The following TSPAN19 variants were observed in gnomAD, a reference collection of about 807,000 sequenced individuals.
TSPAN19 encodes tetraspanin-19.
Under a neutral mutation model 35.1 loss-of-function variants are expected in TSPAN19, and 44 were observed. That is an observed-to-expected ratio of 1.25 (90% confidence interval 0.98 to 1.61). The LOEUF is 1.61. Ranked by LOEUF, TSPAN19 falls within the 40% of genes most tolerant of loss-of-function variation. The pLI, the probability that TSPAN19 is intolerant of heterozygous loss-of-function variation, is 0.00. For synonymous variants in TSPAN19, 79 were observed against 92.0 expected (o/e 0.86, Z 0.81); for missense variants, 290 against 280.0 (o/e 1.04, Z -0.26).
intron 7 of TSPAN19, 73 bp from the exon 8 acceptor site, chr12:85,016,044 A>T: frequency 1.0e-6 from 1 of 977,548 alleles, no homozygotes; most frequent in South Asian, 1.7e-5. Context: ...ACAAAAAATA[A>T]AAGGTAAACA....
chr12:85,014,882 A>G (rs549186568), intron 8 of TSPAN19: 30 of 181,636 alleles, frequency 1.7e-4, no homozygotes, highest in African/African-American at 7.0e-4. Context: ...TATCTTTCTA[A>G]CTATGTCATT....
In TSPAN19 at chr12:85,015,873, T is replaced by C; in HGVS notation, c.678+15A>G. ...ACTTAATATTTTTCATTTTAACATA[T>C]GAACAAAAGCTTACCTCTGAAGTTA... On this transcript the variant is annotated intron_variant, in intron 8 of 8. Transcript: ENST00000532498. 10 of 1,525,786 alleles carry C rather than the reference T, an allele frequency of 6.6e-6. No homozygotes were observed. The highest frequency in any genetic ancestry group is 8.0e-6 in the Non-Finnish European group (9 of 1,128,072). 94.5% of individuals were successfully genotyped at this position (1,525,786 alleles called of 1,614,324 possible).
chr12:85,025,583 T>C (rs1877368104), intron 4 of TSPAN19, among the ~76,000 whole-genome samples: 1 of 151,654 alleles, frequency 6.6e-6, no homozygotes, highest in Non-Finnish European at 1.5e-5. Flanking sequence ...TGGAGTGCAA[T>C]GGTGTGATCT....
chr12:85,019,853 C>A, intron 5 of TSPAN19, 117 bp from the exon 6 acceptor site: 1 of 551,910 alleles, frequency 1.8e-6, no homozygotes, highest in African/African-American at 1.9e-5. Flanking sequence ...TATTATTTTT[C>A]TGTTTTCTGT....
At position 85,026,128 on chromosome 12, in the gene TSPAN19, G is replaced by A. The variant is rs112711986; in HGVS notation, c.264+1771C>T. ...TTGAATTATATGAGGCAGAAACTTA[G>A]GAAATGTTTGTTTTACTCCCTCTAC... On this transcript the variant is annotated intron_variant, in intron 4 of 8. Transcript: ENST00000532498. Among the ~76,000 whole-genome samples, 956 of 152,114 alleles carry A rather than the reference G, an allele frequency of 6.3e-3. 6 individuals carry two copies. The highest frequency in any genetic ancestry group is 9.4e-3 in the Non-Finnish European group (637 of 68,002).
chr12:85,026,054 T>C (rs2135808743), intron 4 of TSPAN19, among the ~76,000 whole-genome samples: 1 of 152,324 alleles, frequency 6.6e-6, no homozygotes, highest in Non-Finnish European at 1.5e-5. Flanking sequence ...TTCATGTATA[T>C]CCTTATGATG....
chr12:85,019,609 A>T lies in TSPAN19; in HGVS notation c.450+17T>A, dbSNP rs376211999. 4.7e-6 allele frequency: 7 copies of T among 1,481,362 alleles called. No individual in the cohort carries two copies. The African/African-American group carries it at 5.6e-5, about 12-fold the overall frequency. The allele number at this position is 1,481,362 out of a possible 1,614,324, so 91.8% of individuals were successfully genotyped here. A position where few individuals can be genotyped will look rare whatever the true frequency, so the allele number is the denominator to read the frequency against. ...GGTCAATACTGACATCTAATTTTTT[A>T]GTTAATTTCATCTTACTGTTTTCTG... On this transcript the variant is annotated intron_variant, in intron 6 of 8. Coordinates refer to ENST00000532498, the MANE Select transcript of TSPAN19 (RefSeq NM_001100917.2).
At chr12:85,018,164 G>A (rs779045291) in intron 6 of TSPAN19, among the ~76,000 whole-genome samples, 1 of 151,762 alleles carries the variant, frequency 6.6e-6, no homozygotes, top group African/African-American at 2.4e-5. Flanking sequence ...CATTTGTAGT[G>A]CTGATTCTGG....
intron 4 of TSPAN19, among the ~76,000 whole-genome samples, chr12:85,026,048 T>C (rs1376893500): frequency 1.3e-5 from 2 of 152,206 alleles, no homozygotes; most frequent in East Asian, 1.9e-4. Flanking sequence ...CCTATGTTCA[T>C]GTATATCCTT....
rs909398040 is a variant in TSPAN19 at position 85,017,266 on chromosome 12, C to T, written c.594+190G>A. ...ACTCCCAGGAAATTTATTTACTTTA[C>T]GTATTATACACTGGAAATGACACTA... On this transcript the variant is annotated intron_variant, in intron 7 of 8. Transcript: ENST00000532498. The T allele has an allele frequency of 3.0e-5, 16 of 531,470 alleles. 1 individual carries two copies. The highest frequency in any genetic ancestry group is 1.5e-4 in the Admixed American group (4 of 25,838). The allele number at this position is 531,470 out of a possible 1,614,324, so 32.9% of individuals were successfully genotyped here. A position where few individuals can be genotyped will look rare whatever the true frequency, so the allele number is the denominator to read the frequency against.
intron 6 of TSPAN19, among the ~76,000 whole-genome samples, chr12:85,018,617 T>C (rs1250950792): frequency 6.6e-6 from 1 of 151,980 alleles, no homozygotes; most frequent in Non-Finnish European, 1.5e-5. Flanking sequence ...TAAAAGTATT[T>C]GTAATTACAT....
rs1877591132 is a variant in TSPAN19 at position 85,029,742 on chromosome 12, C to G, written c.116G>C (p.Arg39Thr). The change falls in exon 3 of 9, where the codon AGA becomes ACA. Residue 39 changes from arginine (R) to threonine (T), a missense_variant. Physicochemically the swap from Arg to Thr is moderately conservative, Grantham distance 71. Transcript: ENST00000532498. ...MGFGAWLLLD[R>T]NNFLTAFDEN... ...ACCAAAAGCTGTTAAAAAATTATTT[C>G]TATCTAATAAGAGCCATGCACCAAA... 6.5e-7 allele frequency: 1 copy of G among 1,539,220 alleles called. No individual in the cohort carries two copies. The highest frequency in any genetic ancestry group is 8.7e-7 in the Non-Finnish European group (1 of 1,143,830).
At chr12:85,019,562 A>G (rs552667760) in intron 6 of TSPAN19, 64 bp downstream of exon 6, 11 of 1,027,672 alleles carry the variant, frequency 1.1e-5, no homozygotes, top group East Asian at 7.4e-5. Flanking sequence ...GCCCTGACCT[A>G]TTCTCTCTTC....
rs1268678811 is a variant in TSPAN19, at chr12:85,023,375, A to G, written c.290T>C (p.Phe97Ser). Residue 97 changes from phenylalanine to serine, a missense_variant, in exon 5 of 9, where the codon TTT (phenylalanine) becomes TCT (serine). Physicochemically the swap from Phe to Ser is radical, Grantham distance 155. Coordinates refer to ENST00000532498, the MANE Select transcript of TSPAN19 (RefSeq NM_001100917.2). ...IVYAVLITWT[F>S]AVQVVLSAFI... ...TGCTGAAAGTACAACCTGAACAGCA[A>G]AGGTCCATGTTATCAATACTGCATA... 1 of 1,588,060 alleles carries G rather than the reference A, an allele frequency of 6.3e-7. No homozygotes were observed. Among genetic ancestry groups the G allele is most frequent in the South Asian group, 1.2e-5 (1 of 86,712 alleles).
chr12:85,020,891 T>G (rs1015539070), intron 5 of TSPAN19, among the ~76,000 whole-genome samples: 1 of 152,090 alleles, frequency 6.6e-6, no homozygotes, highest in Non-Finnish European at 1.5e-5. Context: ...GCTTTTCATT[T>G]GTTAGTTTGT....
At chr12:85,028,505 T>A (rs139914376) in intron 3 of TSPAN19, among the ~76,000 whole-genome samples, 32 of 152,314 alleles carry the variant, frequency 2.1e-4, no homozygotes, top group Admixed American at 6.5e-4. Flanking sequence ...AGATTATATA[T>A]ATTTATCCAG....
At chr12:85,027,605 T>C (rs1201908876) in intron 4 of TSPAN19, among the ~76,000 whole-genome samples, 1 of 152,178 alleles carries the variant, frequency 6.6e-6, no homozygotes, top group African/African-American at 2.4e-5. Context: ...CTTCAGATTC[T>C]TAAGTTTGGT....
chr12:85,016,233 C>T (rs1876788222), intron 7 of TSPAN19: 1 of 316,506 alleles, frequency 3.2e-6, no homozygotes, highest in Non-Finnish European at 5.8e-6. Context: ...GAGATTTTCT[C>T]TTCTGCAGAC....
chr12:85,015,695 C>T (rs1261613997), intron 8 of TSPAN19, 193 bp downstream of exon 8: 1 of 453,836 alleles, frequency 2.2e-6, no homozygotes, highest in Non-Finnish European at 3.8e-6. Context: ...TCCAGGATGA[C>T]CACTTATTAA....
Sources: gnomAD v4.1 joint callset for allele counts (sites outside exome capture counted in the v4.1 genomes callset) on GRCh38, gnomAD v4.1.1 for gene constraint, MANE v1.5 for transcripts, NCBI Gene and HGNC (gene_info 2026-07-23, HGNC 2026-07-21) for gene names.